The following TSPAN15 variants were observed in gnomAD, a reference collection of about 807,000 sequenced individuals.
The protein encoded by TSPAN15 is tetraspanin 15, also known as tetraspanin-15.
TSPAN15 carries 20 observed loss-of-function variants against 34.5 expected under a neutral mutation model. The ratio of observed to expected loss-of-function variants is 0.58; its 90% CI spans 0.41 to 0.84. The LOEUF is 0.84. Ranked by LOEUF, TSPAN15 falls within the 40% of genes least tolerant of loss-of-function variation. TSPAN15 has a pLI of 0.00. For synonymous variants in TSPAN15, 155 were observed against 153.9 expected, an observed-to-expected ratio of 1.01 and a Z score of -0.05; for missense variants, 313 against 386.1, an observed-to-expected ratio of 0.81 and a Z score of 1.59.
the TSPAN15 span, among the ~76,000 whole-genome samples, chr10:69,536,876 C>T: frequency 4.0e-5 from 6 of 151,462 alleles, no homozygotes; most frequent in Admixed American, 2.0e-4. Context: ...CCCAGCTATT[C>T]GGGAGGCTGA....
intron 4 of TSPAN15, among the ~76,000 whole-genome samples, chr10:69,497,997 T>C (rs1227270943): frequency 6.6e-6 from 1 of 152,146 alleles, no homozygotes; most frequent in Non-Finnish European, 1.5e-5. Flanking sequence ...AGGCCAGTTG[T>C]CAAGGAAGGA....
chr10:69,467,754 A>G (rs1434614719), intron 1 of TSPAN15, among the ~76,000 whole-genome samples: 1 of 152,148 alleles, frequency 6.6e-6, no homozygotes, highest in Non-Finnish European at 1.5e-5. Context: ...CCACAACACC[A>G]TTATCATGCC....
At chr10:69,535,546 C>G in the TSPAN15 span, among the ~76,000 whole-genome samples, 3 of 152,182 alleles carry the variant, frequency 2.0e-5, no homozygotes, top group East Asian at 5.8e-4. Context: ...CTTATATGAA[C>G]AGTACCATGG....
chr10:69,472,125 T>C (rs1209170214), intron 1 of TSPAN15, among the ~76,000 whole-genome samples: 1 of 152,134 alleles, frequency 6.6e-6, no homozygotes, highest in Non-Finnish European at 1.5e-5. Context: ...ATGGACTTCT[T>C]GGCTTAACCC....
downstream of TSPAN15, among the ~76,000 whole-genome samples, chr10:69,508,881 A>G (rs1842386413): frequency 1.3e-5 from 2 of 152,170 alleles, no homozygotes; most frequent in South Asian, 4.1e-4. Context: ...CACACATGGT[A>G]CTAGGCATGC....
chr10:69,492,562 A>G (rs1030026576), intron 3 of TSPAN15, among the ~76,000 whole-genome samples: 35 of 152,230 alleles, frequency 2.3e-4, no homozygotes, highest in African/African-American at 8.2e-4. Flanking sequence ...TCCCCCAACA[A>G]CAGGGCTCAG....
chr10:69,508,096 A>G (rs1842374754), downstream of TSPAN15, among the ~76,000 whole-genome samples: 1 of 152,132 alleles, frequency 6.6e-6, no homozygotes, highest in Non-Finnish European at 1.5e-5. Flanking sequence ...TCGGGCCAGA[A>G]GACATGGGAT....
chr10:69,522,467 C>A, the TSPAN15 span, among the ~76,000 whole-genome samples: 1 of 134,480 alleles, frequency 7.4e-6, no homozygotes, highest in Non-Finnish European at 1.6e-5. Context: ...TGTAGGAATG[C>A]TTTATATATT....
intron 3 of TSPAN15, chr10:69,495,353 T>C (rs1253539426): frequency 4.1e-6 from 2 of 487,076 alleles, no homozygotes; most frequent in Middle Eastern, 5.6e-4. Context: ...TGGAGTGAAT[T>C]ACTCCTGCTG....
chr10:69,461,977 C>T (rs1841271585), intron 1 of TSPAN15, among the ~76,000 whole-genome samples: 1 of 142,824 alleles, frequency 7.0e-6, no homozygotes, highest in South Asian at 2.5e-4. Flanking sequence ...TAGGCCCAGG[C>T]ACCCGTAATT....
At chr10:69,524,702 G>C in the TSPAN15 span, among the ~76,000 whole-genome samples, 1 of 143,508 alleles carries the variant, frequency 7.0e-6, no homozygotes, top group Non-Finnish European at 1.5e-5. Context: ...TTCAGAATTC[G>C]ACAATTCAGT....
At chr10:69,521,375 T>C in the TSPAN15 span, among the ~76,000 whole-genome samples, 58 of 146,866 alleles carry the variant, frequency 3.9e-4, 2 homozygotes, top group African/African-American at 1.2e-3. Context: ...CCAGGTGTGG[T>C]GGTGCACACC....
intron 5 of TSPAN15, among the ~76,000 whole-genome samples, chr10:69,501,443 C>T (rs984290351): frequency 1.3e-5 from 2 of 152,272 alleles, no homozygotes; most frequent in Non-Finnish European, 1.5e-5. Flanking sequence ...ACAGGGCGTT[C>T]GCTTCCTCCA....
In TSPAN15 at chr10:69,451,488, T is replaced by C; in HGVS notation, c.-107T>C. 1 of 1,280,120 alleles carries C rather than the reference T, an allele frequency of 7.8e-7. No individual in the cohort carries two copies. Among genetic ancestry groups the C allele is most frequent in the Non-Finnish European group, 9.9e-7 (1 of 1,012,392 alleles). 79.3% of individuals were successfully genotyped at this position (1,280,120 alleles called of 1,614,324 possible). On this transcript the variant is annotated 5_prime_UTR_variant, in exon 1 of 8. Transcript: ENST00000373290. Reference sequence around the variant, plus strand: ...GTGTCAGTCCCGGAGAGAACGCCGGTGGCGGGGCTGGTAGCCCGGCAGCCG... The same window carrying C: ...GTGTCAGTCCCGGAGAGAACGCCGGCGGCGGGGCTGGTAGCCCGGCAGCCG...
At chr10:69,486,697 C>A (rs528461577) in intron 3 of TSPAN15, among the ~76,000 whole-genome samples, 2 of 152,308 alleles carry the variant, frequency 1.3e-5, no homozygotes, top group African/African-American at 4.8e-5. Context: ...CAGGATCTGG[C>A]CCTGTGAAAA....
chr10:69,517,091 T>C, the TSPAN15 span, among the ~76,000 whole-genome samples: 1 of 152,170 alleles, frequency 6.6e-6, no homozygotes, highest in South Asian at 2.1e-4. Context: ...CATCTAAGGC[T>C]TTCCAGGTGT....
chr10:69,489,938 G>A (rs1841933970), intron 3 of TSPAN15, among the ~76,000 whole-genome samples: 1 of 152,218 alleles, frequency 6.6e-6, no homozygotes. Flanking sequence ...TTGTTCTGGG[G>A]CTTCTTGTGA....
the TSPAN15 span, among the ~76,000 whole-genome samples, chr10:69,514,666 A>G: frequency 1.3e-5 from 2 of 152,200 alleles, no homozygotes; most frequent in Admixed American, 1.3e-4. Flanking sequence ...TAGAATCTGT[A>G]GTGATTTCAT....
At chr10:69,512,985 T>C in the TSPAN15 span, among the ~76,000 whole-genome samples, 2 of 152,234 alleles carry the variant, frequency 1.3e-5, no homozygotes, top group Admixed American at 6.5e-5. Context: ...TGTAACTATA[T>C]GTTTAACTTT....
Sources: gnomAD v4.1 joint callset for allele counts (sites outside exome capture counted in the v4.1 genomes callset) on GRCh38, gnomAD v4.1.1 for gene constraint, MANE v1.5 for transcripts, NCBI Gene and HGNC (gene_info 2026-07-23, HGNC 2026-07-21) for gene names.